The following EML1 variants were observed in gnomAD, a reference collection of about 807,000 sequenced individuals.
EML1 encodes the protein echinoderm microtubule-associated protein-like 1.
EML1 carries 27 observed loss-of-function variants against 110.4 expected under a neutral mutation model. That is an observed-to-expected ratio of 0.24 (90% CI 0.18 to 0.34). The LOEUF (loss-of-function observed/expected upper bound fraction) is 0.34, where lower values mean the gene tolerates loss of function less well. Ranked by LOEUF, EML1 falls within the 10% of genes least tolerant of loss-of-function variation. The probability of loss-of-function intolerance (pLI) is 1.00; values close to 1 mark genes in which losing one functional copy is unlikely to be tolerated. For synonymous variants in EML1, 344 were observed against 385.8 expected, an observed-to-expected ratio of 0.89 and a Z score of 1.27; for missense variants, 741 against 1,030.9, an observed-to-expected ratio of 0.72 and a Z score of 3.85.
At position 99,939,036 on chromosome 14, in the gene EML1, G is replaced by A. The variant is rs1162247253; in HGVS notation, c.2192-161G>A. Among the ~76,000 whole-genome samples the A allele has an allele frequency of 6.6e-6, 1 of 152,220 alleles. No individual in the cohort carries two copies. The highest frequency in any genetic ancestry group is 1.9e-4 in the East Asian group (1 of 5,192). ...AGTGAGAGGAGACTGGGCGCACAGCGAGAGGCCAGGAACTGAGGCTATTGT... is the reference window on the plus strand; with the variant it reads ...AGTGAGAGGAGACTGGGCGCACAGCAAGAGGCCAGGAACTGAGGCTATTGT... On this transcript the variant is annotated intron_variant, in intron 20 of 21. Transcript: ENST00000262233. The surrounding 1 kb of genome is among the most constrained non-coding windows in gnomAD (Gnocchi z 4.2).
At chr14:99,839,354 T>C (rs897755022) in intron 1 of EML1, among the ~76,000 whole-genome samples, 4 of 152,184 alleles carry the variant, frequency 2.6e-5, no homozygotes, top group Admixed American at 6.5e-5. Context: ...ATTTCTGTTA[T>C]GGTTATTTGT....
chr14:99,795,897 G>C, intron 1 of EML1, among the ~76,000 whole-genome samples: 1 of 152,150 alleles, frequency 6.6e-6, no homozygotes. Context: ...TTGGATGACT[G>C]TCATAGTTAA....
intron 3 of EML1, 25 bp from the exon 4 acceptor site, chr14:99,878,460 A>C: frequency 6.9e-6 from 11 of 1,594,796 alleles, no homozygotes; most frequent in African/African-American, 1.4e-5. Flanking sequence ...TAAGGAGTTC[A>C]CTGTCACTTC....
chr14:99,920,176 G>T (rs1223838279), intron 16 of EML1, among the ~76,000 whole-genome samples: 1 of 152,150 alleles, frequency 6.6e-6, no homozygotes, highest in Non-Finnish European at 1.5e-5. Flanking sequence ...GTAGACCTGG[G>T]CTCTTCTCCC....
chr14:99,914,533 C>A, intron 14 of EML1, 33 bp from the exon 15 acceptor site: 1 of 1,575,648 alleles, frequency 6.3e-7, no homozygotes. Context: ...TGTAGTATCT[C>A]AGAGCGCTTC....
intron 1 of EML1, among the ~76,000 whole-genome samples, chr14:99,801,442 C>T (rs1337687146): frequency 6.6e-6 from 1 of 152,010 alleles, no homozygotes; most frequent in African/African-American, 2.4e-5. Flanking sequence ...GGTGAAACCC[C>T]GTCTCTACTA....
At chr14:99,746,578 C>T (rs961353826) in intron 1 of EML1, among the ~76,000 whole-genome samples, 1 of 152,076 alleles carries the variant, frequency 6.6e-6, no homozygotes, top group Admixed American at 6.5e-5. Context: ...CAGGAGGTGC[C>T]GCCTAAGCCC....
chr14:99,884,419 G>T (rs2059440112), intron 4 of EML1, among the ~76,000 whole-genome samples: 1 of 152,162 alleles, frequency 6.6e-6, no homozygotes, highest in African/African-American at 2.4e-5. Context: ...GTAGTCCAAG[G>T]CATGGCAGGG....
chr14:99,768,387 G>T (rs1038127252), upstream of EML1, among the ~76,000 whole-genome samples: 1 of 152,194 alleles, frequency 6.6e-6, no homozygotes, highest in Non-Finnish European at 1.5e-5. Context: ...GACGTCTGTG[G>T]CAGGAAGGAT....
intron 4 of EML1, among the ~76,000 whole-genome samples, chr14:99,887,920 T>C (rs1010338818): frequency 6.6e-6 from 1 of 152,252 alleles, no homozygotes; most frequent in African/African-American, 2.4e-5. Context: ...TGTGGGCTTA[T>C]ATGCCAAGAT....
At chr14:99,892,260 T>A in intron 5 of EML1, 1 of 937,266 alleles carries the variant, frequency 1.1e-6, no homozygotes, top group Non-Finnish European at 1.3e-6. Flanking sequence ...TACAGAAACC[T>A]TTTTCATACA....
At chr14:99,920,959 G>T in intron 17 of EML1, 82 bp downstream of exon 17, 2 of 1,340,542 alleles carry the variant, frequency 1.5e-6, no homozygotes, top group East Asian at 4.7e-5. Flanking sequence ...AGGATGTGTC[G>T]GTTTGTTACA....
chr14:99,901,650 G>C (rs1332099048), intron 9 of EML1, among the ~76,000 whole-genome samples: 1 of 152,196 alleles, frequency 6.6e-6, no homozygotes, highest in Non-Finnish European at 1.5e-5. Context: ...TCCTGATGCT[G>C]CCATGGCATT....
chr14:99,836,398 G>T (rs2058541449), intron 1 of EML1, among the ~76,000 whole-genome samples: 1 of 152,138 alleles, frequency 6.6e-6, no homozygotes, highest in Non-Finnish European at 1.5e-5. Context: ...AGTGTTACGA[G>T]AGGGTTTTTT....
chr14:99,925,871 G>A (rs1847221159), intron 17 of EML1, among the ~76,000 whole-genome samples: 1 of 152,162 alleles, frequency 6.6e-6, no homozygotes, highest in South Asian at 2.1e-4. Context: ...CCTCAAGCCA[G>A]TAGAAACCTT....
chr14:99,804,329 G>A (rs1020927236), intron 1 of EML1, among the ~76,000 whole-genome samples: 9 of 152,314 alleles, frequency 5.9e-5, no homozygotes, highest in Admixed American at 2.6e-4. Context: ...CAGGAGAGGA[G>A]GGGAGAGAAA....
Position 99,801,433 on chromosome 14 carries a change from G to A in EML1, c.67+7890G>A, listed in dbSNP as rs901196518. The stretch of plus-strand genomic sequence containing the variant: ...GATCGAGACCATCCTGGCTAACACG[G>A]TGAAACCCCGTCTCTACTAAAAATA... On this transcript the variant is annotated intron_variant, in intron 1 of 21. Coordinates refer to ENST00000262233, the MANE Select transcript of EML1 (RefSeq NM_004434.3). 2.6e-5 allele frequency among the ~76,000 whole-genome samples: 4 copies of A among 152,172 alleles called. No individual in the cohort carries two copies. In the East Asian group the frequency reaches 7.7e-4, roughly 29 times the overall value.
intron 1 of EML1, among the ~76,000 whole-genome samples, chr14:99,800,950 A>G (rs997173446): frequency 6.6e-6 from 1 of 152,216 alleles, no homozygotes; most frequent in Non-Finnish European, 1.5e-5. Context: ...GGAGTCTTAC[A>G]GGAGACCTTC....
intron 4 of EML1, among the ~76,000 whole-genome samples, chr14:99,888,256 T>A (rs1206077814): frequency 6.6e-6 from 1 of 152,220 alleles, no homozygotes; most frequent in Non-Finnish European, 1.5e-5. Context: ...AGTTCTTCAG[T>A]GTCGAAGGTC....
Sources: allele counts gnomAD v4.1 joint callset (sites outside exome capture counted in the v4.1 genomes callset), GRCh38; gene constraint gnomAD v4.1.1; non-coding constraint Gnocchi (gnomAD v3.1); transcripts MANE v1.5; gene names NCBI Gene and HGNC (gene_info 2026-07-23, HGNC 2026-07-21).